PHF24: variants seen among roughly 807,000 people sequenced by gnomAD.
The protein encoded by PHF24 is PHD finger protein 24, also known as Galpha inhibitory interacting protein.
Under a neutral mutation model 42.6 loss-of-function variants are expected in PHF24, and 25 were observed. The ratio of observed to expected loss-of-function variants is 0.59; its 90% CI spans 0.43 to 0.82. The LOEUF (loss-of-function observed/expected upper bound fraction) is 0.82, where lower values mean the gene tolerates loss of function less well. Ranked by LOEUF, PHF24 falls within the 40% of genes least tolerant of loss-of-function variation. The pLI is 0.00. For synonymous variants in PHF24, 185 were observed against 204.8 expected, an observed-to-expected ratio of 0.90 and a Z score of 0.83; for missense variants, 470 against 538.1, an observed-to-expected ratio of 0.87 and a Z score of 1.25.
At chr9:34,907,279 A>G in the PHF24 span, among the ~76,000 whole-genome samples, 1 of 152,134 alleles carries the variant, frequency 6.6e-6, no homozygotes, top group Admixed American at 6.5e-5. Flanking sequence ...CTCCCTAATG[A>G]CTTACTGCCC....
the PHF24 span, among the ~76,000 whole-genome samples, chr9:34,687,954 AATGGATGC>A: frequency 6.6e-6 from 1 of 152,152 alleles, no homozygotes; most frequent in South Asian, 2.1e-4. Flanking sequence ...CAGCTGAATG[AATGGATGC>A]ATGGATGCAT....
At chr9:34,756,982 T>C in the PHF24 span, among the ~76,000 whole-genome samples, 1 of 152,152 alleles carries the variant, frequency 6.6e-6, no homozygotes, top group Non-Finnish European at 1.5e-5. Context: ...CTTGGCTCAC[T>C]GCAACCTCAA....
chr9:34,971,505 G>C, exon 2 of PHF24: 1 of 1,614,096 alleles, frequency 6.2e-7, no homozygotes. Context: ...CGGTGGTCCA[G>C]GAAGAGAGTA....
chr9:34,778,576 C>T, the PHF24 span, among the ~76,000 whole-genome samples: 1 of 151,958 alleles, frequency 6.6e-6, no homozygotes, highest in African/African-American at 2.4e-5. Context: ...AGATGTAACA[C>T]ATATAAATGT....
the PHF24 span, among the ~76,000 whole-genome samples, chr9:34,752,579 A>G: frequency 1.1e-4 from 16 of 152,162 alleles, no homozygotes; most frequent in Non-Finnish European, 2.4e-4. Flanking sequence ...AGGACCTGAT[A>G]GCGTCACTGC....
At chr9:34,747,925 A>G in the PHF24 span, among the ~76,000 whole-genome samples, 3 of 152,358 alleles carry the variant, frequency 2.0e-5, no homozygotes, top group East Asian at 5.8e-4. Flanking sequence ...AGTAGAATGG[A>G]TAAGTAGATT....
At chr9:34,808,310 A>G in the PHF24 span, among the ~76,000 whole-genome samples, 1 of 152,168 alleles carries the variant, frequency 6.6e-6, no homozygotes, top group Admixed American at 6.5e-5. Context: ...TCTAAAAGTG[A>G]TAGCAAACTG....
the PHF24 span, among the ~76,000 whole-genome samples, chr9:34,773,703 C>T: frequency 1.3e-5 from 2 of 152,178 alleles, no homozygotes; most frequent in East Asian, 3.9e-4. Context: ...AGTCTTTCTC[C>T]CCAGAACCCA....
chr9:34,924,577 A>G, the PHF24 span, among the ~76,000 whole-genome samples: 24 of 152,012 alleles, frequency 1.6e-4, no homozygotes, highest in Non-Finnish European at 2.9e-5. Flanking sequence ...ATTTTAGCTG[A>G]TATTAGTATA....
At chr9:34,722,543 C>T in the PHF24 span, among the ~76,000 whole-genome samples, 6 of 152,190 alleles carry the variant, frequency 3.9e-5, no homozygotes, top group Middle Eastern at 3.2e-3. Context: ...ATGAGCTCCA[C>T]TGGGTCAAGG....
At chr9:34,857,089 G>A in the PHF24 span, among the ~76,000 whole-genome samples, 1 of 152,080 alleles carries the variant, frequency 6.6e-6, no homozygotes, top group East Asian at 1.9e-4. Context: ...CCCCATCCCT[G>A]GTGCCAGCAG....
chr9:34,971,657 G>T lies in PHF24; in HGVS notation c.359G>T (p.Cys120Phe), dbSNP rs1340457594. 6.2e-7 allele frequency: 1 copy of T among 1,611,578 alleles called. No homozygotes were observed. The highest frequency in any genetic ancestry group is 1.7e-5 in the Admixed American group (1 of 59,870). The change falls in exon 2 of 8, where the codon TGC (cysteine) becomes TTC (phenylalanine). Residue 120 changes from cysteine to phenylalanine, a missense_variant. Physicochemically the swap from Cys to Phe is radical, Grantham distance 205. Transcript: ENST00000242315. ...GATGATGACAAACCTCCAGAAATCT[G>T]CCTGGAGCCCAGAGAGCCTGTGAGT...
At chr9:34,813,463 T>C in the PHF24 span, among the ~76,000 whole-genome samples, 1 of 152,210 alleles carries the variant, frequency 6.6e-6, no homozygotes, top group Non-Finnish European at 1.5e-5. Context: ...GCTTGTGGTC[T>C]CATAGGCTGC....
the PHF24 span, among the ~76,000 whole-genome samples, chr9:34,758,011 T>C: frequency 6.6e-6 from 1 of 152,134 alleles, no homozygotes; most frequent in Non-Finnish European, 1.5e-5. This position sits in a 1 kb window ranked among gnomAD's most constrained non-coding sequence, Gnocchi z 4.4. Flanking sequence ...TTAGCTGGTT[T>C]TGGTGTATGT....
chr9:34,922,046 C>T, the PHF24 span: 1,377 of 790,184 alleles, frequency 1.7e-3, 3 homozygotes, highest in Admixed American at 2.8e-3. Flanking sequence ...ATAAAAACCA[C>T]GTGGGAAATA....
At chr9:34,717,419 C>T in the PHF24 span, among the ~76,000 whole-genome samples, 1 of 152,294 alleles carries the variant, frequency 6.6e-6, no homozygotes, top group Non-Finnish European at 1.5e-5. Context: ...TTGTTCTTCC[C>T]TTGTGTCTGC....
chr9:34,874,092 T>G, the PHF24 span, among the ~76,000 whole-genome samples: 2 of 152,008 alleles, frequency 1.3e-5, no homozygotes, highest in Non-Finnish European at 2.9e-5. Context: ...AAGGAGATTT[T>G]GGGCTGAGAC....
the PHF24 span, among the ~76,000 whole-genome samples, chr9:34,685,291 G>C: frequency 6.6e-6 from 1 of 152,136 alleles, no homozygotes; most frequent in African/African-American, 2.4e-5. Flanking sequence ...CCTGGGAATA[G>C]GAGTAGGGTG....
At chr9:34,787,741 C>T in the PHF24 span, among the ~76,000 whole-genome samples, 1 of 152,100 alleles carries the variant, frequency 6.6e-6, no homozygotes, top group Non-Finnish European at 1.5e-5. Context: ...GGTTGAGAAG[C>T]ATTTGCCTTA....
Sources: gnomAD v4.1 joint callset for allele counts (sites outside exome capture counted in the v4.1 genomes callset) on GRCh38, gnomAD v4.1.1 for gene constraint, Gnocchi (gnomAD v3.1) non-coding constraint, MANE v1.5 for transcripts, NCBI Gene and HGNC (gene_info 2026-07-23, HGNC 2026-07-21) for gene names.